The following TMEM52B variants were observed in gnomAD, a reference collection of about 807,000 sequenced individuals.
TMEM52B encodes the protein chromosome 12 open reading frame 59.
Under a neutral mutation model 16.1 loss-of-function variants are expected in TMEM52B, and 11 were observed. That is an observed-to-expected ratio of 0.68 (90% CI 0.43 to 1.13). The LOEUF (loss-of-function observed/expected upper bound fraction) is 1.13, where lower values mean the gene tolerates loss of function less well. Among genes scored for constraint, TMEM52B ranks in the 50% most tolerant of loss-of-function variants. The pLI, the probability that TMEM52B is intolerant of heterozygous loss-of-function variation, is 0.00. For synonymous variants in TMEM52B, 101 were observed against 93.8 expected (o/e 1.08, Z -0.45); for missense variants, 243 against 230.4 (o/e 1.05, Z -0.35).
At chr12:10,170,519 A>C (rs1052808677), upstream of TMEM52B, 2 of 45,830 alleles carry the variant, frequency 4.4e-5, no homozygotes, top group African/African-American at 1.6e-4. Context: ...TTTGAGGGGG[A>C]GCTTGCTCTT....
intron 2 of TMEM52B, among the ~76,000 whole-genome samples, chr12:10,184,772 C>T (rs568293776): frequency 6.6e-6 from 1 of 152,034 alleles, no homozygotes; most frequent in Admixed American, 6.6e-5. Context: ...TATACACAAG[C>T]CTTAAGTTTC....
At chr12:10,177,926 C>T (rs376906201), upstream of TMEM52B, among the ~76,000 whole-genome samples, 17 of 151,372 alleles carry the variant, frequency 1.1e-4, no homozygotes, top group African/African-American at 3.4e-4. Flanking sequence ...GGCAGATTCT[C>T]GCTCTATCAC....
At chr12:10,188,305 A>G (rs1224178703) in intron 4 of TMEM52B, among the ~76,000 whole-genome samples, 1 of 151,562 alleles carries the variant, frequency 6.6e-6, no homozygotes, top group African/African-American at 2.4e-5. Context: ...ATTAACGTAC[A>G]AAATTTAGCT....
intron 1 of TMEM52B, among the ~76,000 whole-genome samples, chr12:10,181,647 C>T (rs1948824229): frequency 6.6e-6 from 1 of 151,474 alleles, no homozygotes; most frequent in Admixed American, 6.6e-5. Context: ...TACTTAAAAC[C>T]CTGTGCCTTA....
At chr12:10,174,637 G>A (rs1171633203), upstream of TMEM52B, among the ~76,000 whole-genome samples, 1 of 152,076 alleles carries the variant, frequency 6.6e-6, no homozygotes, top group Non-Finnish European at 1.5e-5. Flanking sequence ...TAAATTACCA[G>A]GCTCTATAAT....
chr12:10,182,161 C>T, intron 1 of TMEM52B: 2 of 984,650 alleles, frequency 2.0e-6, no homozygotes, highest in Non-Finnish European at 2.4e-6. Flanking sequence ...CATTGTCACA[C>T]TAACAGGATA....
chr12:10,185,367 TG>T lies in TMEM52B; in HGVS notation c.137+1del. ...TTDWVHLWYI[W>X]LLVVIGALLL... ...AGACTGGGTACATCTCTGGTATATA[TG>T]GTAAGTTTCACTTATAATACCCAGA... On this transcript the variant is annotated frameshift_variant and splice_region_variant, in exon 3 of 5. Transcript: ENST00000543484. LOFTEE classifies it high-confidence loss of function. 6.2e-7 allele frequency: 1 copy of T among 1,607,610 alleles called. No homozygotes were observed. Among genetic ancestry groups the T allele is most frequent in the Non-Finnish European group, 8.5e-7 (1 of 1,174,026 alleles).
At chr12:10,174,660 T>G (rs780746700), upstream of TMEM52B, among the ~76,000 whole-genome samples, 41 of 152,198 alleles carry the variant, frequency 2.7e-4, no homozygotes, top group Admixed American at 2.6e-4. Flanking sequence ...TACAAGCCAA[T>G]TCCTTATAAT....
At chr12:10,173,781 A>G (rs1275329327) in intron 1 of TMEM52B, among the ~76,000 whole-genome samples, 1 of 148,212 alleles carries the variant, frequency 6.7e-6, no homozygotes, top group African/African-American at 2.5e-5. Flanking sequence ...AAAAAAAAAA[A>G]GAATTAAAAA....
chr12:10,180,918 G>T (rs1948815262), intron 1 of TMEM52B, among the ~76,000 whole-genome samples: 1 of 152,112 alleles, frequency 6.6e-6, no homozygotes, highest in Non-Finnish European at 1.5e-5. Flanking sequence ...CGATTCTCTT[G>T]CCTCAGCCTC....
intron 4 of TMEM52B, among the ~76,000 whole-genome samples, chr12:10,187,306 T>G (rs1948892292): frequency 6.6e-6 from 1 of 152,108 alleles, no homozygotes; most frequent in African/African-American, 2.4e-5. Flanking sequence ...TTCACCATCT[T>G]GGCCAGGCTG....
chr12:10,173,446 C>G (rs758314628), intron 1 of TMEM52B, among the ~76,000 whole-genome samples: 1 of 152,076 alleles, frequency 6.6e-6, no homozygotes, highest in Non-Finnish European at 1.5e-5. Flanking sequence ...CTCCCTGTTT[C>G]CTATATTCCT....
At chr12:10,185,955 C>T (rs369450130) in intron 3 of TMEM52B, among the ~76,000 whole-genome samples, 27 of 152,138 alleles carry the variant, frequency 1.8e-4, no homozygotes, top group African/African-American at 3.4e-4. Context: ...GCAGGAGAAT[C>T]GATTGAACCC....
intron 2 of TMEM52B, among the ~76,000 whole-genome samples, chr12:10,183,069 C>T (rs1401007957): frequency 1.3e-5 from 2 of 152,124 alleles, no homozygotes; most frequent in Non-Finnish European, 2.9e-5. Context: ...ATCAACTAAT[C>T]CAAACCTGTC....
intron 2 of TMEM52B, among the ~76,000 whole-genome samples, chr12:10,182,913 C>T (rs113424057): frequency 1.3e-5 from 2 of 152,160 alleles, no homozygotes; most frequent in African/African-American, 2.4e-5. Flanking sequence ...CCAGGACAGA[C>T]GGTTTAGTAT....
At position 10,172,145 on chromosome 12, in the gene TMEM52B, G is replaced by T. The variant is rs1948727637; in HGVS notation, c.-95+1294G>T. 3.8e-6 allele frequency: 4 copies of T among 1,065,664 alleles called. No homozygotes were observed. The African/African-American group carries it at 4.7e-5, about 12-fold the overall frequency. 66.0% of individuals were successfully genotyped at this position (1,065,664 alleles called of 1,614,324 possible). A position where few individuals can be genotyped will look rare whatever the true frequency, so the allele number is the denominator to read the frequency against. Reference sequence around the variant, plus strand: ...ACTTCAACAAACTAAAAATATGTGAGCTTCTGCAGAAGTATTTAAATAGCT... The same window carrying T: ...ACTTCAACAAACTAAAAATATGTGATCTTCTGCAGAAGTATTTAAATAGCT... On this transcript the variant is annotated intron_variant, in intron 1 of 5. Transcript: ENST00000381923.
intron 3 of TMEM52B, among the ~76,000 whole-genome samples, chr12:10,185,770 C>T (rs547710215): frequency 4.6e-5 from 7 of 151,878 alleles, no homozygotes; most frequent in East Asian, 3.9e-4. Context: ...AAGTTGGGCG[C>T]GGTGGCTCAC....
intron 2 of TMEM52B, 21 bp downstream of exon 2, chr12:10,182,614 GGGAGGAA>G (rs1565426727): frequency 9.8e-6 from 15 of 1,530,678 alleles, no homozygotes; most frequent in Admixed American, 2.0e-5. Flanking sequence ...AGTTCAAGCT[GGGAGGAA>G]GGAGCAACAG....
At chr12:10,182,491 G>A in intron 1 of TMEM52B, 59 bp from the exon 2 acceptor site, 8 of 1,520,424 alleles carry the variant, frequency 5.3e-6, no homozygotes, top group Non-Finnish European at 7.0e-6. Flanking sequence ...TGATTGGTAA[G>A]CAGCTGAACA....
Sources: gnomAD v4.1 joint callset for allele counts (sites outside exome capture counted in the v4.1 genomes callset) on GRCh38, gnomAD v4.1.1 for gene constraint, MANE v1.5 for transcripts, NCBI Gene and HGNC (gene_info 2026-07-23, HGNC 2026-07-21) for gene names.